GK: variants seen among roughly 807,000 people sequenced by gnomAD.
The protein encoded by GK is ATP:glycerol 3-phosphotransferase.
GK carries 9 observed loss-of-function variants against 56.4 expected under a neutral mutation model. That is an observed-to-expected ratio of 0.16 (90% confidence interval 0.10 to 0.28). The LOEUF is 0.28. Ranked by LOEUF, GK falls within the 10% of genes least tolerant of loss-of-function variation. The pLI is 1.00. For synonymous variants in GK, 104 were observed against 144.1 expected (o/e 0.72, Z 1.99); for missense variants, 161 against 431.4 (o/e 0.37, Z 5.55).
intron 3 of GK, among the ~76,000 whole-genome samples, chrX:30,669,343 C>G (rs1285429126): frequency 9.2e-6 from 1 of 108,534 alleles, no homozygotes; most frequent in Admixed American, 9.9e-5. Context: ...CCACCATGCC[C>G]GGCTAATTTT....
intron 13 of GK, among the ~76,000 whole-genome samples, chrX:30,709,207 A>G (rs1240682048): frequency 8.9e-6 from 1 of 112,160 alleles, no homozygotes; most frequent in Non-Finnish European, 1.9e-5. Flanking sequence ...TAATAAGAAT[A>G]TGATTCTGCT....
chrX:30,687,996 A>T (rs929187310), intron 4 of GK, among the ~76,000 whole-genome samples: 6 of 112,167 alleles, frequency 5.3e-5, no homozygotes, highest in African/African-American at 1.6e-4. Flanking sequence ...TTATTATGAC[A>T]GGTTTCTATG....
chrX:30,666,384 T>C (rs1324703915), intron 2 of GK, among the ~76,000 whole-genome samples: 2 of 111,942 alleles, frequency 1.8e-5, no homozygotes, highest in Non-Finnish European at 1.9e-5. Flanking sequence ...GAGTATATAC[T>C]GCATGACTCC....
rs188617539 is a variant in GK, at chrX:30,660,869, G to A, written c.79-4642G>A. Among the ~76,000 whole-genome samples the A allele has an allele frequency of 6.1e-3, 607 of 99,688 alleles. 5 individuals are homozygous for A. Among genetic ancestry groups the A allele is most frequent in the African/African-American group, 0.022 (579 of 26,330 alleles). 86.6% of individuals were successfully genotyped at this position (99,688 alleles called of 115,157 possible). ...CGCTCTGTTACCAGGCTGGAGTGCA[G>A]TGGCGTGATCTCGGCTCACTGCACC... On this transcript the variant is annotated intron_variant, in intron 1 of 20. Coordinates refer to ENST00000427190, the MANE Select transcript of GK (RefSeq NM_001205019.2).
chrX:30,658,439 C>A (rs914427270), intron 1 of GK, among the ~76,000 whole-genome samples: 5 of 111,512 alleles, frequency 4.5e-5, no homozygotes, highest in Non-Finnish European at 9.4e-5. Flanking sequence ...CCTCAGCCTA[C>A]TGAGTAGCTA....
chrX:30,663,491 T>C lies in GK; in HGVS notation c.79-2020T>C, dbSNP rs55883705. On this transcript the variant is annotated intron_variant, in intron 1 of 20. Transcript: ENST00000427190. ...GAGACACACCCTAATGCTAATGGAGTTGGTATCCTAGAGACATACCCTAAT... is the reference window on the plus strand; with the variant it reads ...GAGACACACCCTAATGCTAATGGAGCTGGTATCCTAGAGACATACCCTAAT... Among the ~76,000 whole-genome samples the C allele has an allele frequency of 3.6e-3, 399 of 110,972 alleles. 1 individual carries two copies. The highest frequency in any genetic ancestry group is 5.8e-3 in the Non-Finnish European group (307 of 52,919).
intron 1 of GK, among the ~76,000 whole-genome samples, chrX:30,654,679 C>T (rs777490883): frequency 3.6e-5 from 4 of 111,148 alleles, no homozygotes; most frequent in African/African-American, 1.3e-4. Flanking sequence ...GCAGAGATCA[C>T]ACCACTGCAC....
intron 5 of GK, among the ~76,000 whole-genome samples, chrX:30,692,231 A>T (rs1934977050): frequency 9.0e-6 from 1 of 110,939 alleles, no homozygotes; most frequent in East Asian, 2.8e-4. Context: ...TCCTGAATAA[A>T]TCATTTTCTA....
intron 11 of GK, among the ~76,000 whole-genome samples, chrX:30,704,325 T>A (rs1935871074): frequency 9.5e-6 from 1 of 105,815 alleles, no homozygotes; most frequent in African/African-American, 3.5e-5. Context: ...AGAGATAGGG[T>A]CTTACTATAT....
intron 4 of GK, among the ~76,000 whole-genome samples, chrX:30,680,295 T>G (rs1264565188): frequency 1.8e-5 from 2 of 112,326 alleles, no homozygotes; most frequent in Non-Finnish European, 3.8e-5. Context: ...CAGATTTTAC[T>G]ACCCCTATTT....
chrX:30,662,869 C>CTTTCTTTCTTTCTTTCTT lies in GK; in HGVS notation c.79-2641_79-2640insTTCTTTCTTTCTTTCTTT, dbSNP rs10644351. Among the ~76,000 whole-genome samples, 101 of 60,321 alleles carry CTTTCTTTCTTTCTTTCTT rather than the reference C, an allele frequency of 1.7e-3. 4 individuals carry two copies. The highest frequency in any genetic ancestry group is 3.4e-3 in the South Asian group (3 of 887). 52.4% of individuals were successfully genotyped at this position (60,321 alleles called of 115,157 possible). A position where few individuals can be genotyped will look rare whatever the true frequency, so the allele number is the denominator to read the frequency against. On this transcript the variant is annotated intron_variant, in intron 1 of 20. Coordinates refer to ENST00000427190, the MANE Select transcript of GK (RefSeq NM_001205019.2). ...TCTTTCTTTCTTTCTTTCTTTCTTT[C>CTTTCTTTCTTTCTTTCTT]TCTTTCTTTCTTTCTTTCTTTCTTT...
chrX:30,706,500 C>G lies in GK; in HGVS notation c.852-1056C>G, dbSNP rs186419458. 8.0e-3 allele frequency among the ~76,000 whole-genome samples: 889 copies of G among 111,730 alleles called. 7 individuals carry two copies. The highest frequency in any genetic ancestry group is 0.027 in the African/African-American group (842 of 30,762). ...ACGGGGAAGGAATGCCCAGCTTGGG[C>G]AGAGCCAAGCAAGGGTGACTGTAGC... On this transcript the variant is annotated intron_variant, in intron 11 of 20. Transcript: ENST00000427190.
chrX:30,706,341 A>G (rs1369776737), intron 11 of GK, among the ~76,000 whole-genome samples: 1 of 112,207 alleles, frequency 8.9e-6, no homozygotes, highest in African/African-American at 3.2e-5. Context: ...CTGTTGAGTT[A>G]GTGCTGACTG....
At chrX:30,720,454 G>T (rs1370956431) in intron 16 of GK, among the ~76,000 whole-genome samples, 167 bp from the exon 17 acceptor site, 1 of 111,993 alleles carries the variant, frequency 8.9e-6, no homozygotes, top group Non-Finnish European at 1.9e-5. Context: ...GAGAGAAAAG[G>T]TTGGCTGTGA....
At chrX:30,690,575 G>A in intron 4 of GK, among the ~76,000 whole-genome samples, 1 of 111,521 alleles carries the variant, frequency 9.0e-6, no homozygotes, top group Non-Finnish European at 1.9e-5. Context: ...AATGATTCCG[G>A]GTCTAGCATA....
intron 4 of GK, among the ~76,000 whole-genome samples, chrX:30,680,469 A>C (rs1934220571): frequency 8.9e-6 from 1 of 112,165 alleles, no homozygotes; most frequent in African/African-American, 3.2e-5. Flanking sequence ...AAAGCCATGC[A>C]GTGTAGTGTA....
In GK at chrX:30,721,125, G is replaced by A. The variant is rs368124503; in HGVS notation, c.1501+130G>A. The A allele has an allele frequency of 1.8e-4, 119 of 650,770 alleles. No homozygotes were observed. The African/African-American group carries it at 2.1e-3, about 11-fold the overall frequency. The allele number at this position is 650,770 out of a possible 1,213,427, so 53.6% of individuals were successfully genotyped here. A position where few individuals can be genotyped will look rare whatever the true frequency, so the allele number is the denominator to read the frequency against. On this transcript the variant is annotated intron_variant, in intron 18 of 20. Coordinates refer to ENST00000427190, the MANE Select transcript of GK (RefSeq NM_001205019.2). ...TAGTAAATGTTATCATTGCAGATTC[G>A]GCTGCCAAGCATATTGGGCTTTACT...
At position 30,695,846 on chromosome X, in the gene GK, A is replaced by G. The variant is rs619; in HGVS notation, c.553-196A>G. Reference sequence around the variant, plus strand: ...CACATTTGGCTATTGAGCACTTGAAACATGATCAAATTGAGGTTTGCTGTA... The same window carrying G: ...CACATTTGGCTATTGAGCACTTGAAGCATGATCAAATTGAGGTTTGCTGTA... On this transcript the variant is annotated intron_variant, in intron 6 of 20. Transcript: ENST00000427190. Among the ~76,000 whole-genome samples the G allele has an allele frequency of 0.29, 32,152 of 111,664 alleles. 3,440 individuals are homozygous for G. Among genetic ancestry groups the G allele is most frequent in the South Asian group, 0.43 (1,162 of 2,708 alleles).
At chrX:30,695,037 G>T in intron 6 of GK, 1 of 356,136 alleles carries the variant, frequency 2.8e-6, no homozygotes, top group African/African-American at 2.6e-5. Context: ...ATCAACCTAT[G>T]GCCAATCTTA....
Sources: gnomAD v4.1 joint callset for allele counts (sites outside exome capture counted in the v4.1 genomes callset) on GRCh38, gnomAD v4.1.1 for gene constraint, MANE v1.5 for transcripts, NCBI Gene and HGNC (gene_info 2026-07-23, HGNC 2026-07-21) for gene names.